LIN9: variants seen among roughly 807,000 people sequenced by gnomAD.
The protein encoded by LIN9 is lin-9 DREAM MuvB core complex component, also known as protein lin-9 homolog.
LIN9 carries 18 observed loss-of-function variants against 78.0 expected under a neutral mutation model. The observed-to-expected ratio is 0.23, with a 90% CI of 0.16 to 0.34. The LOEUF is 0.34. Among genes scored for constraint, LIN9 ranks in the 10% least tolerant of loss-of-function variants. LIN9 has a pLI of 1.00. For missense variants in LIN9, 451 were observed against 644.1 expected (o/e 0.70, Z 3.25); for synonymous variants, 192 against 215.2 (o/e 0.89, Z 0.94).
intron 10 of LIN9, among the ~76,000 whole-genome samples, chr1:226,259,793 T>G (rs1659447856): frequency 6.6e-6 from 1 of 151,964 alleles, no homozygotes; most frequent in African/African-American, 2.4e-5. Context: ...GTGGGAAACT[T>G]GTAGTATCGA....
intron 8 of LIN9, among the ~76,000 whole-genome samples, chr1:226,267,232 T>TAG (rs921419956): frequency 1.4e-5 from 1 of 69,264 alleles, no homozygotes; most frequent in Non-Finnish European, 2.8e-5. Context: ...ACTAAGGAGA[T>TAG]ATATATATAT....
chr1:226,297,809 T>G lies in LIN9; in HGVS notation c.69A>C (p.Gly23=), dbSNP rs1662250337. 3 of 1,567,428 alleles carry G rather than the reference T, an allele frequency of 1.9e-6. No homozygotes were observed. Among genetic ancestry groups the G allele is most frequent in the Non-Finnish European group, 2.6e-6 (3 of 1,157,560 alleles). Reference sequence around the variant, plus strand: ...TTTCATTCCACGTGTTAGATAAGCTTCCTTCTGTAATAAATAGTTAATACT... The same window carrying G: ...TTTCATTCCACGTGTTAGATAAGCTGCCTTCTGTAATAAATAGTTAATACT... ...SAKALVSLKE[G]SLSNTWNEKY... The change falls in exon 3 of 15, where the codon GGA becomes GGC. Residue 23 remains glycine (G), a synonymous_variant. Transcript: ENST00000681046.
Position 226,231,871 on chromosome 1 carries a change from A to G in LIN9, c.*630T>C, listed in dbSNP as rs111497688. ...TCAACAAACAACAAAGGTTTCTTTTATATGTTATGATAAATTAAAATATTT... is the reference window on the plus strand; with the variant it reads ...TCAACAAACAACAAAGGTTTCTTTTGTATGTTATGATAAATTAAAATATTT... On this transcript the variant is annotated 3_prime_UTR_variant, in exon 15 of 15. Transcript: ENST00000681046. 2 of 294,160 alleles carry G rather than the reference A, an allele frequency of 6.8e-6. No individual in the cohort carries two copies. The highest frequency in any genetic ancestry group is 1.2e-5 in the Non-Finnish European group (2 of 163,582). The allele number at this position is 294,160 out of a possible 1,614,324, so 18.2% of individuals were successfully genotyped here.
At position 226,270,638 on chromosome 1, in the gene LIN9, A is replaced by C. The variant is rs577741334; in HGVS notation, c.683-2548T>G. Among the ~76,000 whole-genome samples the C allele has an allele frequency of 3.3e-5, 5 of 152,158 alleles. No individual in the cohort carries two copies. The South Asian group carries it at 8.3e-4, about 25-fold the overall frequency. On this transcript the variant is annotated intron_variant, in intron 7 of 14. Coordinates refer to ENST00000681046, the MANE Select transcript of LIN9 (RefSeq NM_001366245.2). ...GGAGTTCAAGACCAGTCTGTGCAAC[A>C]TGGTGAAACCCCATCTCTACAAAAA...
In LIN9 at chr1:226,278,103, C is replaced by CTCCA. The variant is rs1307317328; in HGVS notation, c.525-175_525-172dup. Among the ~76,000 whole-genome samples, 3 of 151,972 alleles carry CTCCA rather than the reference C, an allele frequency of 2.0e-5. No homozygotes were observed. The East Asian group carries it at 5.9e-4, about 30-fold the overall frequency. ...CATCTCCGGCTCAAGCGATTCTGGG[C>CTCCA]TCCACCTCCTGGACTCAAGTGCTGA... On this transcript the variant is annotated intron_variant, in intron 6 of 14. Coordinates refer to ENST00000681046, the MANE Select transcript of LIN9 (RefSeq NM_001366245.2).
At chr1:226,256,002 A>C (rs1165846748) in intron 10 of LIN9, among the ~76,000 whole-genome samples, 2 of 152,046 alleles carry the variant, frequency 1.3e-5, no homozygotes, top group African/African-American at 2.4e-5. Context: ...AGATCTAAGA[A>C]TCTCAGAGAA....
At chr1:226,273,494 C>G (rs1224151022) in intron 7 of LIN9, among the ~76,000 whole-genome samples, 2 of 151,902 alleles carry the variant, frequency 1.3e-5, no homozygotes, top group African/African-American at 4.8e-5. Flanking sequence ...AGTGGCTTGC[C>G]TCAGCCTCCC....
chr1:226,304,029 T>C (rs955858413), intron 1 of LIN9, among the ~76,000 whole-genome samples: 1 of 152,232 alleles, frequency 6.6e-6, no homozygotes, highest in Non-Finnish European at 1.5e-5. Flanking sequence ...GCAAGTTACT[T>C]TGCCTCTCTG....
intron 8 of LIN9, among the ~76,000 whole-genome samples, chr1:226,267,612 T>C (rs1385137027): frequency 6.6e-6 from 1 of 152,094 alleles, no homozygotes; most frequent in Non-Finnish European, 1.5e-5. Flanking sequence ...GATGTTACTA[T>C]ACTTTAAAAA....
chr1:226,303,289 T>C (rs947515920), intron 1 of LIN9, among the ~76,000 whole-genome samples: 2 of 152,116 alleles, frequency 1.3e-5, no homozygotes, highest in Non-Finnish European at 2.9e-5. Flanking sequence ...AGCAAAATAG[T>C]CAAAGTCCCT....
chr1:226,241,844 C>T (rs1027842085), intron 11 of LIN9, among the ~76,000 whole-genome samples: 3 of 149,888 alleles, frequency 2.0e-5, no homozygotes, highest in East Asian at 3.9e-4. Context: ...GGCGACAGAG[C>T]GAGACTCTGT....
chr1:226,253,270 A>AG (rs1259780952), intron 10 of LIN9, among the ~76,000 whole-genome samples: 2 of 150,844 alleles, frequency 1.3e-5, no homozygotes, highest in Non-Finnish European at 3.0e-5. Flanking sequence ...TGTCTCAAAA[A>AG]AAAAAAAAAA....
At chr1:226,270,824 CAAAAAAAAAAAAA>C (rs764106581) in intron 7 of LIN9, among the ~76,000 whole-genome samples, 1 of 22,170 alleles carries the variant, frequency 4.5e-5, no homozygotes, top group African/African-American at 1.0e-4. Flanking sequence ...GACTCTGTCT[CAAAAAAAAAAAAA>C]AAAAAAAAAA....
intron 4 of LIN9, among the ~76,000 whole-genome samples, chr1:226,295,576 T>C (rs1662098996): frequency 6.6e-6 from 1 of 152,108 alleles, no homozygotes; most frequent in Non-Finnish European, 1.5e-5. Context: ...TGTGCAAACC[T>C]ACAAATTGAT....
intron 10 of LIN9, among the ~76,000 whole-genome samples, chr1:226,263,635 A>G (rs1196097996): frequency 3.9e-5 from 6 of 152,226 alleles, no homozygotes; most frequent in Non-Finnish European, 8.8e-5. Flanking sequence ...TCTACTATTT[A>G]AAAGAAAAAA....
Position 226,238,959 on chromosome 1 carries a change from C to A in LIN9, c.1245+12G>T. 6.2e-7 allele frequency: 1 copy of A among 1,607,606 alleles called. No homozygotes were observed. The highest frequency in any genetic ancestry group is 8.5e-7 in the Non-Finnish European group (1 of 1,177,126). On this transcript the variant is annotated intron_variant, in intron 12 of 14. Coordinates refer to ENST00000681046, the MANE Select transcript of LIN9 (RefSeq NM_001366245.2). ...ATACAAATATGGAGGGAAATCTATA[C>A]ATATCACTTACCTCATAGCAATACT... is the stretch of plus-strand genomic sequence containing the variant.
intron 7 of LIN9, among the ~76,000 whole-genome samples, 200 bp from the exon 8 acceptor site, chr1:226,268,290 C>T (rs1443385964): frequency 6.6e-6 from 1 of 151,942 alleles, no homozygotes; most frequent in African/African-American, 2.4e-5. Context: ...ATGATGATCC[C>T]TAATTTCATA....
At chr1:226,279,768 T>TG (rs1553281202) in intron 6 of LIN9, among the ~76,000 whole-genome samples, 6 of 80,472 alleles carry the variant, frequency 7.5e-5, no homozygotes, top group Non-Finnish European at 7.7e-5. Context: ...AGACCCAGTC[T>TG]GAAAAAAAAA....
intron 7 of LIN9, among the ~76,000 whole-genome samples, chr1:226,274,614 CAT>C (rs1404780398): frequency 2.0e-5 from 3 of 151,928 alleles, no homozygotes; most frequent in East Asian, 1.9e-4. Context: ...TACAATTACA[CAT>C]ATGTTATCTT....
Sources: allele counts gnomAD v4.1 joint callset (sites outside exome capture counted in the v4.1 genomes callset), GRCh38; gene constraint gnomAD v4.1.1; transcripts MANE v1.5; gene names NCBI Gene and HGNC (gene_info 2026-07-23, HGNC 2026-07-21).